Variants in DLEC1 observed in about 807,000 individuals in gnomAD.
DLEC1 encodes the protein deleted in lung and esophageal cancer protein 1.
In DLEC1, 146 loss-of-function variants were observed where a neutral mutation model predicts 198.1. The observed-to-expected ratio is 0.74, with a 90% CI of 0.64 to 0.85. The LOEUF (loss-of-function observed/expected upper bound fraction) is 0.85, where lower values mean the gene tolerates loss of function less well. Among genes scored for constraint, DLEC1 ranks in the 40% least tolerant of loss-of-function variants. The pLI, the probability that DLEC1 is intolerant of heterozygous loss-of-function variation, is 0.00. For synonymous variants in DLEC1, 897 were observed against 866.8 expected (o/e 1.03, Z -0.61); for missense variants, 2,233 against 2,220.0 (o/e 1.01, Z -0.12).
chr3:38,080,873 G>C lies in DLEC1; in HGVS notation c.1174-3285G>C, dbSNP rs1445976827. ...GGGTGTTTCTCACAGAGGGGGATTT[G>C]GCAGGGTCATGGGACAATAGTGGAG... On this transcript the variant is annotated intron_variant, in intron 6 of 36. Coordinates refer to ENST00000308059, the MANE Select transcript of DLEC1 (RefSeq NM_007335.4). 1.2e-3 allele frequency among the ~76,000 whole-genome samples: 168 copies of C among 134,996 alleles called. 1 individual carries two copies. The highest frequency in any genetic ancestry group is 4.6e-3 in the African/African-American group (164 of 35,572). The allele number at this position is 134,996 out of a possible 152,430, so 88.6% of individuals were successfully genotyped here.
chr3:38,050,860 A>C (rs2125586413), intron 2 of DLEC1, among the ~76,000 whole-genome samples: 1 of 152,244 alleles, frequency 6.6e-6, no homozygotes, highest in East Asian at 1.9e-4. Context: ...TGATGGGGGA[A>C]TGCATGTCTT....
In DLEC1 at chr3:38,117,829, C is replaced by T. The variant is rs1700263733; in HGVS notation, c.4509C>T (p.Thr1503=). 6.2e-7 allele frequency: 1 copy of T among 1,614,170 alleles called. No individual in the cohort carries two copies. The highest frequency in any genetic ancestry group is 8.5e-7 in the Non-Finnish European group (1 of 1,180,024). The change falls in exon 33 of 37, where the codon ACC becomes ACT. Residue 1503 remains threonine (T), a synonymous_variant. Coordinates refer to ENST00000308059, the MANE Select transcript of DLEC1 (RefSeq NM_007335.4). ...CSGVLSELVT[T]HHLKLTNTTE... is the part of the protein sequence containing the mutation. ...AGGTGCTGAGTGAGCTGGTGACCAC[C>T]CACCACCTGAAGCTGACCAACACTA...
chr3:38,108,019 G>T (rs1384049651), intron 20 of DLEC1, among the ~76,000 whole-genome samples: 3 of 152,226 alleles, frequency 2.0e-5, no homozygotes, highest in African/African-American at 7.2e-5. Flanking sequence ...GCCCATGACT[G>T]GCCCAGGTAG....
At chr3:38,084,977 C>G (rs763060151) in intron 7 of DLEC1, among the ~76,000 whole-genome samples, 1 of 152,186 alleles carries the variant, frequency 6.6e-6, no homozygotes, top group Non-Finnish European at 1.5e-5. Context: ...TCAGAAATCT[C>G]AAAAGTTTCT....
At chr3:38,095,631 G>C (rs1698976142) in intron 13 of DLEC1, 2 of 504,622 alleles carry the variant, frequency 4.0e-6, no homozygotes, top group East Asian at 6.9e-5. Flanking sequence ...GAGGGGCTTT[G>C]TCAGCATCAG....
intron 19 of DLEC1, among the ~76,000 whole-genome samples, chr3:38,102,450 A>G (rs1699355654): frequency 6.6e-6 from 1 of 152,220 alleles, no homozygotes. Flanking sequence ...TAGTCTTATC[A>G]ATGCAACAGC....
At chr3:38,071,509 AT>A (rs1055347585) in intron 6 of DLEC1, among the ~76,000 whole-genome samples, 1 of 152,204 alleles carries the variant, frequency 6.6e-6, no homozygotes, top group African/African-American at 2.4e-5. Context: ...TCTAAGAACT[AT>A]TTGCCTTGTG....
chr3:38,093,892 A>G (rs1196927459), intron 12 of DLEC1, 125 bp downstream of exon 12: 1 of 1,265,984 alleles, frequency 7.9e-7, no homozygotes, highest in East Asian at 2.3e-5. Context: ...TGGATATCCA[A>G]ATTCAATTGA....
chr3:38,085,915 TG>T (rs1164248385), intron 8 of DLEC1, among the ~76,000 whole-genome samples: 1 of 152,170 alleles, frequency 6.6e-6, no homozygotes, highest in African/African-American at 2.4e-5. Flanking sequence ...TTTGGGACCG[TG>T]ATCCCCCTTA....
Position 38,039,273 on chromosome 3 carries a change from C to T in DLEC1, c.48C>T (p.Thr16=), listed in dbSNP as rs774347613. 1 of 1,613,856 alleles carries T rather than the reference C, an allele frequency of 6.2e-7. No homozygotes were observed. The highest frequency in any genetic ancestry group is 1.7e-4 in the Middle Eastern group (1 of 6,058). The change falls in exon 1 of 37, where the codon ACC becomes ACT. Residue 16 remains threonine, a synonymous_variant. Transcript: ENST00000308059. ...CGCGGAGGTCTTTAGCGTCCCGGAC[C>T]AACGAGTGCCAGGGGACAATGTGGG... ...SKTRRSLASR[T]NECQGTMWAP... is the part of the protein sequence containing the mutation.
intron 6 of DLEC1, among the ~76,000 whole-genome samples, chr3:38,070,632 T>C (rs926677052): frequency 6.6e-6 from 1 of 151,830 alleles, no homozygotes; most frequent in Non-Finnish European, 1.5e-5. Context: ...TTTTATAAGA[T>C]TTGGGTGGGT....
chr3:38,080,971 A>T (rs1355557115), intron 6 of DLEC1, among the ~76,000 whole-genome samples: 1 of 135,348 alleles, frequency 7.4e-6, no homozygotes, highest in Non-Finnish European at 1.6e-5. Flanking sequence ...GGCCTTCCGC[A>T]GTGTTTGTGT....
rs370925052 is a variant in DLEC1 at position 38,100,350 on chromosome 3, A to G, written c.2789A>G (p.Asp930Gly). ...CACTCTCTGGGGGAGTGCAGGGTGGACATCACCTTGGAGGCCCTGCACTGC... is the reference window on the plus strand; with the variant it reads ...CACTCTCTGGGGGAGTGCAGGGTGGGCATCACCTTGGAGGCCCTGCACTGC... ...QLHSLGECRVDITLEALHCQH... is the reference protein window; with the variant it reads ...QLHSLGECRVGITLEALHCQH... Residue 930 changes from aspartate (D) to glycine (G), a missense_variant, in exon 19 of 37, where the codon GAC becomes GGC. Coordinates refer to ENST00000308059, the MANE Select transcript of DLEC1 (RefSeq NM_007335.4). The G allele has an allele frequency of 6.2e-7, 1 of 1,614,022 alleles. No homozygotes were observed. The highest frequency in any genetic ancestry group is 8.5e-7 in the Non-Finnish European group (1 of 1,179,980).
rs1698250866 is a variant in DLEC1 at position 38,084,365 on chromosome 3, AGTAGTAGTGATGGTGGTAGTAGTG to A, written c.1261+129_1261+152del. 9.0e-6 allele frequency: 7 copies of A among 780,934 alleles called. No homozygotes were observed. The East Asian group carries it at 1.6e-4, about 18-fold the overall frequency. 48.4% of individuals were successfully genotyped at this position (780,934 alleles called of 1,614,324 possible). ...TGATAGTAGTAGTGGTGGTGGTAGTAGTAGTAGTGATGGTGGTAGTAGTGGTAGTAGTAGTAGTGGTGGTGGTAG... is the reference window on the plus strand; with the variant it reads ...TGATAGTAGTAGTGGTGGTGGTAGTAGTAGTAGTAGTAGTGGTGGTGGTAG... On this transcript the variant is annotated intron_variant, in intron 7 of 36. Transcript: ENST00000308059.
chr3:38,090,990 A>C (rs1214005234), intron 10 of DLEC1, among the ~76,000 whole-genome samples: 1 of 152,226 alleles, frequency 6.6e-6, no homozygotes, highest in Non-Finnish European at 1.5e-5. Flanking sequence ...ACAAAATATC[A>C]TTGCATTTAA....
rs576327336 is a variant in DLEC1, at chr3:38,066,117, A to G, written c.1173+2198A>G. 8.5e-5 allele frequency among the ~76,000 whole-genome samples: 13 copies of G among 152,352 alleles called. No homozygotes were observed. In the South Asian group the frequency reaches 2.7e-3, roughly 32 times the overall value. ...TTATTGCAATCCATCAGGAGGAAGC[A>G]TGGGATCTGGGTTTCCCATGATCAG... On this transcript the variant is annotated intron_variant, in intron 6 of 36. Coordinates refer to ENST00000308059, the MANE Select transcript of DLEC1 (RefSeq NM_007335.4).
intron 26 of DLEC1, 34 bp from the exon 27 acceptor site, chr3:38,114,949 G>T (rs199616555): frequency 6.2e-7 from 1 of 1,602,162 alleles, no homozygotes; most frequent in Admixed American, 1.7e-5. Flanking sequence ...TACGCTGGCT[G>T]TGGCTGTACT....
In DLEC1 at chr3:38,121,788, C is replaced by T. The variant is rs1045834824; in HGVS notation, c.5020+7C>T. ...TACTGGACTATGCTGATGGGTATGT[C>T]CTACCCTGCCACCTACCCACCGTTC... On this transcript the variant is annotated splice_region_variant and intron_variant, in intron 35 of 36. Transcript: ENST00000308059. 1 of 1,613,362 alleles carries T rather than the reference C, an allele frequency of 6.2e-7. No individual in the cohort carries two copies. Among genetic ancestry groups the T allele is most frequent in the African/African-American group, 1.3e-5 (1 of 74,900 alleles).
intron 19 of DLEC1, among the ~76,000 whole-genome samples, chr3:38,106,684 A>T (rs561431062): frequency 6.9e-6 from 1 of 145,668 alleles, no homozygotes; most frequent in East Asian, 2.1e-4. Flanking sequence ...TGAACCCAGG[A>T]GGCAGAGGTT....
Sources: allele counts gnomAD v4.1 joint callset (sites outside exome capture counted in the v4.1 genomes callset), GRCh38; gene constraint gnomAD v4.1.1; transcripts MANE v1.5; gene names NCBI Gene and HGNC (gene_info 2026-07-23, HGNC 2026-07-21).